Variants in IGSF21 observed in about 807,000 individuals in gnomAD.
IGSF21 encodes the protein immunoglobin superfamily member 21.
IGSF21 carries 28 observed loss-of-function variants against 46.8 expected under a neutral mutation model. The ratio of observed to expected loss-of-function variants is 0.60; its 90% CI spans 0.44 to 0.82. IGSF21 has a LOEUF of 0.82. Ranked by LOEUF, IGSF21 falls within the 40% of genes least tolerant of loss-of-function variation. The pLI is 0.00. For missense variants in IGSF21, 624 were observed against 665.5 expected (o/e 0.94, Z 0.69); for synonymous variants, 284 against 273.6 (o/e 1.04, Z -0.38).
chr1:18,142,092 A>G (rs1327604876), intron 1 of IGSF21, among the ~76,000 whole-genome samples: 3 of 152,194 alleles, frequency 2.0e-5, no homozygotes, highest in African/African-American at 7.2e-5. Flanking sequence ...ATGTATATGT[A>G]TATATAAAAT....
chr1:18,296,186 C>A (rs1044823643), intron 3 of IGSF21, among the ~76,000 whole-genome samples: 2 of 152,214 alleles, frequency 1.3e-5, no homozygotes, highest in African/African-American at 4.8e-5. Flanking sequence ...CTAGCTCATT[C>A]CATCAGCTTC....
At chr1:18,377,813 G>A (rs1308070673) in intron 9 of IGSF21, among the ~76,000 whole-genome samples, 4 of 152,170 alleles carry the variant, frequency 2.6e-5, no homozygotes, top group Non-Finnish European at 4.4e-5. Context: ...GTGGGGCTGC[G>A]TTCTGAGACT....
chr1:18,265,751 T>C (rs941610520), intron 2 of IGSF21, among the ~76,000 whole-genome samples: 2 of 152,230 alleles, frequency 1.3e-5, no homozygotes, highest in African/African-American at 4.8e-5. Flanking sequence ...ACTCCGATTT[T>C]TGGCACCAGA....
chr1:18,143,685 G>A (rs1037874067), intron 1 of IGSF21, among the ~76,000 whole-genome samples: 14 of 152,116 alleles, frequency 9.2e-5, no homozygotes, highest in African/African-American at 1.7e-4. Flanking sequence ...CTGTCTGTGC[G>A]ACCCCTGGAT....
intron 1 of IGSF21, among the ~76,000 whole-genome samples, chr1:18,144,150 G>A (rs72942384): frequency 0.012 from 1,862 of 152,236 alleles, 32 homozygotes; most frequent in African/African-American, 0.043. Context: ...TGGTCCTCTC[G>A]GGGAGGAGGC....
At chr1:18,304,330 C>T (rs2085390800) in intron 3 of IGSF21, among the ~76,000 whole-genome samples, 2 of 152,082 alleles carry the variant, frequency 1.3e-5, no homozygotes, top group South Asian at 2.1e-4. Flanking sequence ...AAACACAGGG[C>T]GGGGGAGAAG....
At chr1:18,376,451 C>A in intron 7 of IGSF21, 56 bp downstream of exon 7, 9 of 1,198,072 alleles carry the variant, frequency 7.5e-6, no homozygotes, top group Admixed American at 1.7e-5. Context: ...AGGCACCGAC[C>A]CAGCACCAGC....
intron 4 of IGSF21, among the ~76,000 whole-genome samples, chr1:18,344,182 TTC>T (rs1413148681): frequency 1.3e-5 from 2 of 152,166 alleles, no homozygotes; most frequent in Non-Finnish European, 2.9e-5. Context: ...TGCCAAGAAC[TTC>T]TCTCTTTTCT....
At chr1:18,346,111 C>A (rs2085890799) in intron 4 of IGSF21, among the ~76,000 whole-genome samples, 1 of 152,138 alleles carries the variant, frequency 6.6e-6, no homozygotes, top group Non-Finnish European at 1.5e-5. Context: ...TCAACCCTCA[C>A]CCTGTAAATG....
chr1:18,310,731 C>T (rs1335608520), intron 3 of IGSF21, among the ~76,000 whole-genome samples: 1 of 152,204 alleles, frequency 6.6e-6, no homozygotes, highest in Non-Finnish European at 1.5e-5. Flanking sequence ...TCTCACAGTT[C>T]TCAAGGCTAG....
intron 1 of IGSF21, among the ~76,000 whole-genome samples, chr1:18,160,052 TG>T (rs1390699444): frequency 6.6e-6 from 1 of 152,192 alleles, no homozygotes; most frequent in African/African-American, 2.4e-5. Context: ...AATCTTGACG[TG>T]GTCCAGGTCC....
At position 18,107,954 on chromosome 1, in the gene IGSF21, C is replaced by G. The variant is rs1225578170; in HGVS notation, c.-175C>G. 2 of 198,248 alleles carry G rather than the reference C, an allele frequency of 1.0e-5. No homozygotes were observed. Among genetic ancestry groups the G allele is most frequent in the Non-Finnish European group, 1.0e-5 (1 of 100,022 alleles). 12.3% of individuals were successfully genotyped at this position (198,248 alleles called of 1,614,324 possible). A position where few individuals can be genotyped will look rare whatever the true frequency, so the allele number is the denominator to read the frequency against. On this transcript the variant is annotated 5_prime_UTR_variant, in exon 1 of 10. Coordinates refer to ENST00000251296, the MANE Select transcript of IGSF21 (RefSeq NM_032880.5). ...AGAGCCGGAGCCGAGTCGAGCCGGG[C>G]GCCCGGGCTGCCTGGCCGCGGCGGC... is the stretch of plus-strand genomic sequence containing the variant.
intron 2 of IGSF21, among the ~76,000 whole-genome samples, chr1:18,289,408 G>A (rs561973795): frequency 6.6e-6 from 1 of 152,318 alleles, no homozygotes; most frequent in Non-Finnish European, 1.5e-5. Context: ...CAGTTCACCC[G>A]CAGTCTCTTC....
At chr1:18,126,208 G>A (rs2086273348) in intron 1 of IGSF21, among the ~76,000 whole-genome samples, 2 of 118,832 alleles carry the variant, frequency 1.7e-5, no homozygotes, top group Admixed American at 7.8e-5. Context: ...CAATCAAGCT[G>A]AGAGCTCGCT....
intron 6 of IGSF21, among the ~76,000 whole-genome samples, chr1:18,374,051 G>A (rs1200872848): frequency 2.6e-5 from 4 of 152,122 alleles, no homozygotes; most frequent in Non-Finnish European, 5.9e-5. Context: ...CAGGGCTCTA[G>A]CCTTCTCCAG....
intron 1 of IGSF21, among the ~76,000 whole-genome samples, chr1:18,196,270 T>C (rs1463135320): frequency 2.6e-5 from 4 of 151,608 alleles, no homozygotes; most frequent in Non-Finnish European, 5.9e-5. Flanking sequence ...GCAGGCTGAA[T>C]GGATTTGGGG....
At chr1:18,248,507 G>A (rs887393748) in intron 2 of IGSF21, among the ~76,000 whole-genome samples, 3 of 152,112 alleles carry the variant, frequency 2.0e-5, no homozygotes, top group Non-Finnish European at 4.4e-5. Flanking sequence ...CAGAGGGTAG[G>A]AGCTGGGAAA....
chr1:18,315,706 G>C (rs1239988588), intron 3 of IGSF21, among the ~76,000 whole-genome samples: 1 of 151,944 alleles, frequency 6.6e-6, no homozygotes, highest in Non-Finnish European at 1.5e-5. Context: ...TGAATGGATG[G>C]ATGGTGGATA....
chr1:18,305,485 G>GGGT (rs1452977591), intron 3 of IGSF21, among the ~76,000 whole-genome samples: 2 of 139,816 alleles, frequency 1.4e-5, no homozygotes, highest in East Asian at 4.7e-4. Flanking sequence ...ATGGATGGAT[G>GGGT]GATGATGGAT....
Sources: allele counts gnomAD v4.1 joint callset (sites outside exome capture counted in the v4.1 genomes callset), GRCh38; gene constraint gnomAD v4.1.1; transcripts MANE v1.5; gene names NCBI Gene and HGNC (gene_info 2026-07-23, HGNC 2026-07-21).